Variants in AP4E1 observed in about 807,000 individuals in gnomAD.
The protein encoded by AP4E1 is adaptor related protein complex 4 subunit epsilon 1.
AP4E1 carries 56 observed loss-of-function variants against 128.2 expected under a neutral mutation model. The observed-to-expected ratio is 0.44, with a 90% CI of 0.35 to 0.55. AP4E1 has a LOEUF of 0.55. AP4E1 is among the 20% of genes least tolerant of loss of function. The probability of loss-of-function intolerance (pLI) is 0.00; values close to 1 mark genes in which losing one functional copy is unlikely to be tolerated. For synonymous variants in AP4E1, 484 were observed against 473.1 expected (o/e 1.02, Z -0.30); for missense variants, 1,324 against 1,307.7 (o/e 1.01, Z -0.19).
intron 8 of AP4E1, among the ~76,000 whole-genome samples, chr15:50,937,267 T>C (rs1291501976): frequency 2.0e-5 from 3 of 152,248 alleles, no homozygotes; most frequent in African/African-American, 7.2e-5. Context: ...ACTGTGTTAA[T>C]GAGTAATATG....
intron 4 of AP4E1, 56 bp from the exon 5 acceptor site, chr15:50,925,042 C>T: frequency 6.2e-7 from 1 of 1,605,654 alleles, no homozygotes; most frequent in Non-Finnish European, 8.5e-7. Flanking sequence ...GTTGAATTTG[C>T]CATTCCTAGT....
At chr15:50,908,581 CA>C, upstream of AP4E1, 1 of 622,506 alleles carries the variant, frequency 1.6e-6, no homozygotes, top group East Asian at 3.6e-5. Flanking sequence ...CGGCCTTTTC[CA>C]CCCCCGCGGT....
intron 19 of AP4E1, 73 bp from the exon 20 acceptor site, chr15:51,000,953 G>A: frequency 2.6e-6 from 3 of 1,142,124 alleles, no homozygotes; most frequent in Non-Finnish European, 3.8e-6. Context: ...ATTCTCATGA[G>A]GCATTTGAAA....
chr15:51,002,715 A>C lies in AP4E1; in HGVS notation c.*53A>C, dbSNP rs2064979880. On this transcript the variant is annotated 3_prime_UTR_variant, in exon 21 of 21. Transcript: ENST00000261842. ...CAAGATCAATGGTTTACATAGATAA[A>C]CTTATTTACCAAAGTAAAAAGAACT... The C allele has an allele frequency of 1.9e-6, 3 of 1,602,966 alleles. No homozygotes were observed. The Admixed American group carries it at 5.0e-5, about 27-fold the overall frequency.
At position 50,908,840 on chromosome 15, in the gene AP4E1, C is replaced by T. The variant is rs765289252; in HGVS notation, c.62C>T (p.Pro21Leu). The change falls in exon 1 of 21, where the codon CCC (proline) becomes CTC (leucine). Residue 21 changes from proline (P) to leucine (L), a missense_variant. Physicochemically the swap from Pro to Leu is moderately conservative, Grantham distance 98 (BLOSUM62 -3). Coordinates refer to ENST00000261842, the MANE Select transcript of AP4E1 (RefSeq NM_007347.5). Reference protein sequence around the residue: ...ALPGLFLQNQPGGGPAAAKAS... With the variant: ...ALPGLFLQNQLGGGPAAAKAS... Reference sequence around the variant, plus strand: ...CCGGGACTCTTTCTGCAGAACCAGCCCGGTGGTGGGCCCGCGGCCGCCAAG... The same window carrying T: ...CCGGGACTCTTTCTGCAGAACCAGCTCGGTGGTGGGCCCGCGGCCGCCAAG... 25 of 1,608,462 alleles carry T rather than the reference C, an allele frequency of 1.6e-5. No homozygotes were observed. The East Asian group carries it at 3.4e-4, about 22-fold the overall frequency.
intron 13 of AP4E1, among the ~76,000 whole-genome samples, chr15:50,951,246 C>T (rs1282103137): frequency 2.0e-5 from 3 of 152,162 alleles, no homozygotes; most frequent in South Asian, 2.1e-4. Flanking sequence ...AATCCACTTT[C>T]GAGCTCGTGT....
At chr15:50,925,876 C>T (rs1256556004) in intron 5 of AP4E1, among the ~76,000 whole-genome samples, 5 of 151,328 alleles carry the variant, frequency 3.3e-5, no homozygotes, top group South Asian at 2.1e-4. Context: ...CCACCTGCCT[C>T]GGCCTCCCAA....
At chr15:50,922,163 CAA>C (rs34829950) in intron 3 of AP4E1, among the ~76,000 whole-genome samples, 8 of 79,722 alleles carry the variant, frequency 1.0e-4, no homozygotes, top group Non-Finnish European at 1.2e-4. Context: ...CCTATCTCTA[CAA>C]AAAAAAAAAA....
chr15:50,962,689 C>T (rs1477117121), intron 14 of AP4E1, among the ~76,000 whole-genome samples: 5 of 151,432 alleles, frequency 3.3e-5, no homozygotes, highest in South Asian at 2.1e-4. Context: ...GGACATTGGT[C>T]GAGGCAAAGA....
intron 5 of AP4E1, among the ~76,000 whole-genome samples, chr15:50,928,566 G>A (rs199680680): frequency 6.6e-6 from 1 of 151,922 alleles, no homozygotes; most frequent in Non-Finnish European, 1.5e-5. Context: ...GGGATTACAG[G>A]CCAAAGATTT....
At chr15:50,995,673 G>A (rs533781633) in intron 17 of AP4E1, among the ~76,000 whole-genome samples, 1 of 151,970 alleles carries the variant, frequency 6.6e-6, no homozygotes, top group Non-Finnish European at 1.5e-5. Flanking sequence ...GGTGTGAGCC[G>A]CCATGCCCGG....
At chr15:50,944,973 A>G (rs1470934375) in intron 10 of AP4E1, 16 of 765,514 alleles carry the variant, frequency 2.1e-5, no homozygotes, top group Non-Finnish European at 2.9e-5. Context: ...TATCCATACA[A>G]TACAAGCACA....
At chr15:50,992,930 T>A (rs7180258) in intron 16 of AP4E1, among the ~76,000 whole-genome samples, 65,158 of 151,968 alleles carry the variant, frequency 0.43, 14,208 homozygotes, top group East Asian at 0.59. Context: ...ATGATGTTTT[T>A]GCTTTTAACA....
chr15:50,991,898 A>T (rs1011495782), intron 16 of AP4E1, among the ~76,000 whole-genome samples: 2 of 151,128 alleles, frequency 1.3e-5, no homozygotes, highest in Non-Finnish European at 2.9e-5. Context: ...ATGATTTTTT[A>T]AAAATGCCAT....
At chr15:50,966,704 A>G (rs931295075) in intron 14 of AP4E1, among the ~76,000 whole-genome samples, 1 of 151,752 alleles carries the variant, frequency 6.6e-6, no homozygotes, top group South Asian at 2.1e-4. Flanking sequence ...TGCCTGGCCC[A>G]TTTTTGTATT....
Position 51,004,210 on chromosome 15 carries a change from T to C in AP4E1, c.*1548T>C, listed in dbSNP as rs714784. On this transcript the variant is annotated 3_prime_UTR_variant, in exon 21 of 21. Transcript: ENST00000261842. ...TCATGATGAAATGAGTGTGCTGACT[T>C]CAGGGGTGTGGTGGACACTGGTAGC... is the stretch of plus-strand genomic sequence containing the variant. The C allele has an allele frequency of 0.6, 91,048 of 151,946 alleles. 27,435 individuals carry two copies. The highest frequency in any genetic ancestry group is 0.62 in the Non-Finnish European group (42,370 of 67,972). 9.4% of individuals were successfully genotyped at this position (151,946 alleles called of 1,614,324 possible). A position where few individuals can be genotyped will look rare whatever the true frequency, so the allele number is the denominator to read the frequency against.
At chr15:50,986,928 C>T (rs1308550734) in intron 16 of AP4E1, among the ~76,000 whole-genome samples, 1 of 152,134 alleles carries the variant, frequency 6.6e-6, no homozygotes, top group Non-Finnish European at 1.5e-5. Flanking sequence ...GCTGTGAATC[C>T]GTCTGGTCCT....
rs61223902 is a variant in AP4E1, at chr15:50,962,722, C to T, written c.1851+3928C>T. ...AGATTTATGGCTAAGACTTCAAAAG[C>T]ACAGGCAAAAAAGACAAAAATGACA... On this transcript the variant is annotated intron_variant, in intron 14 of 20. Coordinates refer to ENST00000261842, the MANE Select transcript of AP4E1 (RefSeq NM_007347.5). Among the ~76,000 whole-genome samples, 1,445 of 151,516 alleles carry T rather than the reference C, an allele frequency of 9.5e-3. 37 individuals are homozygous for T. The highest frequency in any genetic ancestry group is 0.034 in the African/African-American group (1,392 of 41,342).
intron 16 of AP4E1, among the ~76,000 whole-genome samples, chr15:50,986,437 T>C (rs1487590177): frequency 2.0e-5 from 3 of 152,338 alleles, no homozygotes; most frequent in Admixed American, 6.5e-5. Flanking sequence ...TGATATTGGC[T>C]GTGGGTTTGT....
Sources: allele counts gnomAD v4.1 joint callset (sites outside exome capture counted in the v4.1 genomes callset), GRCh38; gene constraint gnomAD v4.1.1; transcripts MANE v1.5; gene names NCBI Gene and HGNC (gene_info 2026-07-23, HGNC 2026-07-21).